DACH2: variants seen among roughly 807,000 people sequenced by gnomAD.
The protein encoded by DACH2 is dachshund family transcription factor 2, also known as dachshund homolog 2.
Under a neutral mutation model 35.8 loss-of-function variants are expected in DACH2, and 17 were observed. That is an observed-to-expected ratio of 0.48 (90% CI 0.33 to 0.71). DACH2 has a LOEUF of 0.71. Among genes scored for constraint, DACH2 ranks in the 30% least tolerant of loss-of-function variants. The pLI, the probability that DACH2 is intolerant of heterozygous loss-of-function variation, is 0.02. For synonymous variants in DACH2, 195 were observed against 177.3 expected, an observed-to-expected ratio of 1.10 and a Z score of -0.79; for missense variants, 469 against 472.7, an observed-to-expected ratio of 0.99 and a Z score of 0.07.
intron 6 of DACH2, among the ~76,000 whole-genome samples, chrX:86,732,884 G>A (rs2041547398): frequency 9.0e-6 from 1 of 111,101 alleles, no homozygotes; most frequent in African/African-American, 3.3e-5. Flanking sequence ...ATCAGTAATG[G>A]GACAAAGGGA....
At chrX:86,406,200 A>G (rs1362045890) in intron 2 of DACH2, among the ~76,000 whole-genome samples, 7 of 112,303 alleles carry the variant, frequency 6.2e-5, no homozygotes, top group Non-Finnish European at 1.3e-4. Context: ...GTGCAATACT[A>G]TGTAGTCATG....
chrX:86,443,033 G>T (rs1418983178), intron 2 of DACH2, among the ~76,000 whole-genome samples: 2 of 111,024 alleles, frequency 1.8e-5, no homozygotes, highest in Non-Finnish European at 3.8e-5. Context: ...TTCTTTTTTT[G>T]CTCAAGCTTG....
At position 86,822,936 on chromosome X, in the gene DACH2, G is replaced by C. The variant is rs562089641; in HGVS notation, c.1750+6837G>C. On this transcript the variant is annotated intron_variant, in intron 11 of 11. Coordinates refer to ENST00000373125, the MANE Select transcript of DACH2 (RefSeq NM_053281.3). ...CAGAACTAGATTCCAACAGAGCCTT[G>C]CTATCTAATTTTACATTTTATTTTT... is the stretch of plus-strand genomic sequence containing the variant. Among the ~76,000 whole-genome samples the C allele has an allele frequency of 9.8e-5, 11 of 111,715 alleles. No individual in the cohort carries two copies. In the South Asian group the frequency reaches 3.4e-3, roughly 34 times the overall value.
At chrX:86,178,566 A>G (rs2031378420) in intron 1 of DACH2, among the ~76,000 whole-genome samples, 1 of 111,160 alleles carries the variant, frequency 9.0e-6, no homozygotes, top group African/African-American at 3.3e-5. Context: ...ATCTATTGCT[A>G]TACTTTAAGG....
At chrX:86,677,440 T>C (rs977102985) in intron 4 of DACH2, among the ~76,000 whole-genome samples, 14 of 111,850 alleles carry the variant, frequency 1.3e-4, no homozygotes, top group African/African-American at 4.6e-4. Context: ...CATGTAAAAA[T>C]GAAAGAACTG....
chrX:86,465,906 T>C (rs933185942), intron 2 of DACH2, among the ~76,000 whole-genome samples: 31 of 112,018 alleles, frequency 2.8e-4, no homozygotes, highest in African/African-American at 8.8e-4. Flanking sequence ...GACTATGCTA[T>C]GTGATTTTTC....
intron 6 of DACH2, among the ~76,000 whole-genome samples, chrX:86,725,228 T>C (rs935172536): frequency 1.8e-5 from 2 of 111,213 alleles, no homozygotes; most frequent in African/African-American, 6.5e-5. Context: ...TTTTTTATGG[T>C]TTTATTGTGT....
chrX:86,718,423 A>T (rs989648920), intron 6 of DACH2, among the ~76,000 whole-genome samples: 2 of 111,153 alleles, frequency 1.8e-5, no homozygotes, highest in African/African-American at 6.5e-5. Flanking sequence ...CTCCCATTCT[A>T]TAGGTTGCCT....
In DACH2 at chrX:86,470,850, T is replaced by C. The variant is rs191044374; in HGVS notation, c.528-43429T>C. Among the ~76,000 whole-genome samples, 13 of 111,570 alleles carry C rather than the reference T, an allele frequency of 1.2e-4. No homozygotes were observed. The East Asian group carries it at 3.6e-3, about 31-fold the overall frequency. On this transcript the variant is annotated intron_variant, in intron 2 of 11. Coordinates refer to ENST00000373125, the MANE Select transcript of DACH2 (RefSeq NM_053281.3). ...GTTTTTTTGCAGTGCTATAATTTAG[T>C]CATTAGTCTAGCCCTTTGCTAATGG...
intron 1 of DACH2, among the ~76,000 whole-genome samples, chrX:86,274,492 G>GTTTTTTT (rs1162526523): frequency 2.4e-4 from 3 of 12,256 alleles, no homozygotes; most frequent in Non-Finnish European, 3.7e-4. Flanking sequence ...GAGTCTTTCT[G>GTTTTTTT]TTTTTTTTTT....
chrX:86,813,679 A>T (rs1226127560), intron 9 of DACH2, among the ~76,000 whole-genome samples: 1 of 108,762 alleles, frequency 9.2e-6, no homozygotes, highest in Non-Finnish European at 1.9e-5. Flanking sequence ...TAACATAGCT[A>T]CATGAAACCT....
intron 1 of DACH2, among the ~76,000 whole-genome samples, chrX:86,328,756 T>A (rs999059920): frequency 9.0e-6 from 1 of 111,692 alleles, no homozygotes; most frequent in Non-Finnish European, 1.9e-5. Flanking sequence ...TGAATTGCAA[T>A]TAGATAGAGT....
chrX:86,481,121 A>G (rs982979945), intron 2 of DACH2: 2 of 112,093 alleles, frequency 1.8e-5, no homozygotes, highest in Non-Finnish European at 3.8e-5. Context: ...GTGGAAGTCT[A>G]CATTTTGATC....
chrX:86,651,013 G>T (rs769344877), intron 3 of DACH2, 23 bp from the exon 4 acceptor site: 13 of 1,149,770 alleles, frequency 1.1e-5, no homozygotes, highest in South Asian at 2.1e-5. Flanking sequence ...TAAATAAATG[G>T]AATGGAATAA....
chrX:86,503,090 A>T (rs1037799839), intron 2 of DACH2, among the ~76,000 whole-genome samples: 2 of 112,199 alleles, frequency 1.8e-5, no homozygotes, highest in African/African-American at 6.5e-5. Context: ...CAATACATAC[A>T]TAGTCTCATT....
At chrX:86,769,976 A>T (rs2147294150) in intron 7 of DACH2, among the ~76,000 whole-genome samples, 1 of 108,173 alleles carries the variant, frequency 9.2e-6, no homozygotes, top group African/African-American at 3.4e-5. Context: ...AGACTGGGCA[A>T]CATGGCAAGA....
At chrX:86,711,579 C>A in intron 5 of DACH2, among the ~76,000 whole-genome samples, 1 of 111,351 alleles carries the variant, frequency 9.0e-6, no homozygotes, top group East Asian at 2.8e-4. Flanking sequence ...AGCCAGGTTG[C>A]GGGTGTGGTG....
chrX:86,322,478 T>A (rs1466746979), intron 1 of DACH2, among the ~76,000 whole-genome samples: 1 of 111,270 alleles, frequency 9.0e-6, no homozygotes, highest in African/African-American at 3.3e-5. Context: ...CCCTCCTTGG[T>A]CCCTGGGTCC....
intron 1 of DACH2, among the ~76,000 whole-genome samples, chrX:86,156,429 ATAGT>A (rs764253002): frequency 3.6e-5 from 4 of 111,703 alleles, no homozygotes; most frequent in Non-Finnish European, 5.7e-5. Context: ...AAGGTAAGAA[ATAGT>A]TAAAGTATGC....
Sources: allele counts gnomAD v4.1 joint callset (sites outside exome capture counted in the v4.1 genomes callset), GRCh38; gene constraint gnomAD v4.1.1; transcripts MANE v1.5; gene names NCBI Gene and HGNC (gene_info 2026-07-23, HGNC 2026-07-21).